Variants in FMC1 observed in about 807,000 individuals in gnomAD.
FMC1 encodes formation of mitochondrial complex V assembly factor 1.
Under a neutral mutation model 10.5 loss-of-function variants are expected in FMC1, and 6 were observed. That is an observed-to-expected ratio of 0.57 (90% CI 0.31 to 1.12). FMC1 has a LOEUF of 1.12. FMC1 is among the 50% of genes most tolerant of loss of function. The probability of loss-of-function intolerance (pLI) is 0.05; values close to 1 mark genes in which losing one functional copy is unlikely to be tolerated. For synonymous variants in FMC1, 59 were observed against 62.1 expected (o/e 0.95, Z 0.24); for missense variants, 146 against 151.7 (o/e 0.96, Z 0.20).
In FMC1 at chr7:139,345,972, T is replaced by A. The variant is rs1278975460; in HGVS notation, c.*268T>A. ...ACAAGCCTTAGCCAGGCACGGTGGCTCACGCCTGTAATCCCAGCACTTTGG... is the reference window on the plus strand; with the variant it reads ...ACAAGCCTTAGCCAGGCACGGTGGCACACGCCTGTAATCCCAGCACTTTGG... On this transcript the variant is annotated 3_prime_UTR_variant, in exon 2 of 2. Transcript: ENST00000297534. 1 of 234,256 alleles carries A rather than the reference T, an allele frequency of 4.3e-6. No homozygotes were observed. The highest frequency in any genetic ancestry group is 8.2e-6 in the Non-Finnish European group (1 of 121,328). The allele number at this position is 234,256 out of a possible 1,614,324, so 14.5% of individuals were successfully genotyped here. A position where few individuals can be genotyped will look rare whatever the true frequency, so the allele number is the denominator to read the frequency against.
At chr7:139,341,168 C>T, upstream of FMC1, 1 of 688,948 alleles carries the variant, frequency 1.5e-6, no homozygotes, top group Non-Finnish European at 2.2e-6. Flanking sequence ...CTGGTACCTT[C>T]AGTTAACAGT....
Position 139,341,397 on chromosome 7 carries a change from G to C in FMC1, c.13G>C (p.Gly5Arg), listed in dbSNP as rs759181790. The C allele has an allele frequency of 3.1e-6, 5 of 1,612,968 alleles. No homozygotes were observed. Among genetic ancestry groups the C allele is most frequent in the Non-Finnish European group, 4.2e-6 (5 of 1,179,822 alleles). The stretch of plus-strand genomic sequence containing the variant: ...GAAGGACAGGACAATGGCGGCCTTA[G>C]GGTCCCCGTCGCACACTTTTCGAGG... MAAL[G>R]SPSHTFRGLL... The change falls in exon 1 of 2, where the codon GGG becomes CGG. Residue 5 changes from glycine (G) to arginine (R), a missense_variant. Physicochemically the swap from Gly to Arg is moderately radical, Grantham distance 125. Coordinates refer to ENST00000297534, the MANE Select transcript of FMC1 (RefSeq NM_197964.5).
intron 1 of FMC1, 81 bp from the exon 2 acceptor site, chr7:139,345,420 T>G (rs1475329812): frequency 7.0e-6 from 11 of 1,562,584 alleles, no homozygotes; most frequent in Non-Finnish European, 9.5e-6. Context: ...TTCACTCTAG[T>G]GAATGCTTAT....
chr7:139,341,214 C>A, upstream of FMC1: 1 of 1,211,334 alleles, frequency 8.3e-7, no homozygotes, highest in Non-Finnish European at 1.1e-6. Context: ...CGCCCCTGGG[C>A]CTTCGATTAA....
upstream of FMC1, chr7:139,341,157 C>T: frequency 1.6e-6 from 1 of 625,388 alleles, no homozygotes; most frequent in Non-Finnish European, 2.5e-6. Context: ...GGTTAGAGGT[C>T]CTGGTACCTT....
Position 139,341,341 on chromosome 7 carries a change from T to C in FMC1, c.-44T>C. 1 of 1,582,486 alleles carries C rather than the reference T, an allele frequency of 6.3e-7. No homozygotes were observed. Among genetic ancestry groups the C allele is most frequent in the Non-Finnish European group, 8.6e-7 (1 of 1,159,052 alleles). On this transcript the variant is annotated 5_prime_UTR_variant, in exon 1 of 2. Coordinates refer to ENST00000297534, the MANE Select transcript of FMC1 (RefSeq NM_197964.5). ...TGGGCCGGAGGAGGGGTTTTCAGGG[T>C]CGTAGGACGCCGTTGGGCACCACGC... is the stretch of plus-strand genomic sequence containing the variant.
rs752435595 is a variant in FMC1, at chr7:139,345,746, G to A, written c.*42G>A. 2 of 1,564,866 alleles carry A rather than the reference G, an allele frequency of 1.3e-6. No individual in the cohort carries two copies. Among genetic ancestry groups the A allele is most frequent in the East Asian group, 2.3e-5 (1 of 43,516 alleles). ...TGGATGCTGCATTCATAGGAGAATT[G>A]AATAATTTCTATCAATATGTATTTA... On this transcript the variant is annotated 3_prime_UTR_variant, in exon 2 of 2. Coordinates refer to ENST00000297534, the MANE Select transcript of FMC1 (RefSeq NM_197964.5).
At chr7:139,340,684 C>T (rs12056045), upstream of FMC1, 44 of 393,378 alleles carry the variant, frequency 1.1e-4, no homozygotes, top group Middle Eastern at 6.4e-4. Context: ...GTTGTGTGAG[C>T]GCGTCGTTTG....
In FMC1 at chr7:139,341,471, T is replaced by C; in HGVS notation, c.87T>C (p.Tyr29=). The change falls in exon 1 of 2, where the codon TAT becomes TAC. Residue 29 remains tyrosine, a synonymous_variant. Coordinates refer to ENST00000297534, the MANE Select transcript of FMC1 (RefSeq NM_197964.5). ...RYLSAATGRP[Y]RDTAAYRYLV... ...TGAGCGCGGCCACCGGCCGACCCTA[T>C]CGCGACACCGCGGCCTATCGGTACC... The C allele has an allele frequency of 6.2e-7, 1 of 1,613,768 alleles. No individual in the cohort carries two copies. Among genetic ancestry groups the C allele is most frequent in the Non-Finnish European group, 8.5e-7 (1 of 1,179,996 alleles).
chr7:139,344,047 T>C (rs1189207601), intron 1 of FMC1, among the ~76,000 whole-genome samples: 1 of 151,676 alleles, frequency 6.6e-6, no homozygotes, highest in Non-Finnish European at 1.5e-5. Context: ...CATCCCCATC[T>C]CACCTTTCCT....
intron 1 of FMC1, among the ~76,000 whole-genome samples, chr7:139,342,412 G>A (rs1416968198): frequency 1.3e-5 from 2 of 152,164 alleles, no homozygotes; most frequent in Non-Finnish European, 2.9e-5. Context: ...GAAAGCCCAA[G>A]GGGAGAAAAA....
chr7:139,340,696 A>G (rs1415861523), upstream of FMC1: 7 of 392,310 alleles, frequency 1.8e-5, no homozygotes, highest in African/African-American at 6.2e-5. Context: ...CGTCGTTTGC[A>G]GAAGCCCCAG....
Position 139,346,280 on chromosome 7 carries a change from G to C in FMC1, c.*576G>C, listed in dbSNP as rs191571353. 8.6e-5 allele frequency: 13 copies of C among 151,418 alleles called. No homozygotes were observed. The East Asian group carries it at 1.2e-3, about 13-fold the overall frequency. 9.4% of individuals were successfully genotyped at this position (151,418 alleles called of 1,614,324 possible). ...AAATTAGTATAAGCCTTTTGTTTAA[G>C]GAATTCAAATGTTATAAACATAAAA... On this transcript the variant is annotated 3_prime_UTR_variant, in exon 2 of 2. Transcript: ENST00000297534.
At chr7:139,341,145 T>C (rs1410810465), upstream of FMC1, 2 of 506,278 alleles carry the variant, frequency 4.0e-6, no homozygotes, top group African/African-American at 2.0e-5. Flanking sequence ...ACCCTTGTTC[T>C]GGGTTAGAGG....
chr7:139,343,146 T>G (rs574900884), intron 1 of FMC1, among the ~76,000 whole-genome samples: 1 of 152,332 alleles, frequency 6.6e-6, no homozygotes, highest in East Asian at 1.9e-4. Context: ...AAGAGCAGTA[T>G]TCTATCCTAC....
rs775487080 is a variant in FMC1 at position 139,345,659 on chromosome 7, T to TCTCAAGTTGCCAGG, written c.308_309insAGGCTCAAGTTGCC (p.His104GlyfsTer27). 5 of 1,614,086 alleles carry TCTCAAGTTGCCAGG rather than the reference T, an allele frequency of 3.1e-6. No individual in the cohort carries two copies. In the Admixed American group the frequency reaches 5.0e-5, roughly 16 times the overall value. On this transcript the variant is annotated frameshift_variant, in exon 2 of 2. Transcript: ENST00000297534. LOFTEE classifies it high-confidence loss of function. Reference sequence around the variant, plus strand: ...TGGAGGAGTCTGCTGGCTTGGTGGGTCTCAAGTTGCCCCATCAGCCTGGAG... The same window carrying TCTCAAGTTGCCAGG: ...TGGAGGAGTCTGCTGGCTTGGTGGGTCTCAAGTTGCCAGGCTCAAGTTGCCCCATCAGCCTGGAG...
At chr7:139,343,535 A>C (rs767844715) in intron 1 of FMC1, among the ~76,000 whole-genome samples, 2 of 152,170 alleles carry the variant, frequency 1.3e-5, no homozygotes, top group Non-Finnish European at 2.9e-5. Context: ...AGCCATGTTC[A>C]TACCACTGCT....
chr7:139,345,462 C>T (rs370455583), intron 1 of FMC1, 39 bp from the exon 2 acceptor site: 15 of 1,612,442 alleles, frequency 9.3e-6, no homozygotes, highest in Non-Finnish European at 1.3e-5. Flanking sequence ...ACCTGTATCT[C>T]TAGCTGGGTT....
intron 1 of FMC1, 150 bp downstream of exon 1, chr7:139,341,672 C>T (rs1008896773): frequency 5.1e-6 from 7 of 1,369,318 alleles, no homozygotes; most frequent in South Asian, 1.5e-5. Flanking sequence ...AACCCAGGCC[C>T]TAGGCTCCAT....
Sources: gnomAD v4.1 joint callset for allele counts (sites outside exome capture counted in the v4.1 genomes callset) on GRCh38, gnomAD v4.1.1 for gene constraint, MANE v1.5 for transcripts, NCBI Gene and HGNC (gene_info 2026-07-23, HGNC 2026-07-21) for gene names.